Variants in PDCD11 observed in about 807,000 individuals in gnomAD.
PDCD11 encodes the protein protein RRP5 homolog.
A neutral mutation model predicts 198.9 loss-of-function variants in PDCD11; 97 were observed. The ratio of observed to expected loss-of-function variants is 0.49; its 90% CI spans 0.41 to 0.58. The LOEUF (loss-of-function observed/expected upper bound fraction) is 0.58. Among genes scored for constraint, PDCD11 ranks in the 20% least tolerant of loss-of-function variants. The probability of loss-of-function intolerance (pLI) is 0.00; values close to 1 mark genes in which losing one functional copy is unlikely to be tolerated. For synonymous variants in PDCD11, 893 were observed against 918.0 expected, an observed-to-expected ratio of 0.97 and a Z score of 0.49; for missense variants, 2,102 against 2,312.7, an observed-to-expected ratio of 0.91 and a Z score of 1.87.
At chr10:103,433,557 G>T (rs142915557) in intron 22 of PDCD11, among the ~76,000 whole-genome samples, 1 of 152,316 alleles carries the variant, frequency 6.6e-6, no homozygotes, top group Non-Finnish European at 1.5e-5. Context: ...AACAGTGAAG[G>T]ATCCAAATCC....
At chr10:103,399,823 G>T in intron 2 of PDCD11, 1 of 152,068 alleles carries the variant, frequency 6.6e-6, no homozygotes, top group South Asian at 2.1e-4. Flanking sequence ...GAGTACCTGG[G>T]ACTATAGGTG....
In PDCD11 at chr10:103,433,964, A is replaced by T; in HGVS notation, c.3491A>T (p.Lys1164Ile). 1 of 1,613,618 alleles carries T rather than the reference A, an allele frequency of 6.2e-7. No individual in the cohort carries two copies. Among genetic ancestry groups the T allele is most frequent in the Non-Finnish European group, 8.5e-7 (1 of 1,179,538 alleles). ...TTCCCTCAGTACAATGTGGTGAAGA[A>T]ATGGCTTGAGGTGGAGATTGCCCCA... The part of the protein sequence containing the change: ...CFLKKYNVVK[K>I]WLEVEIAPDI... Residue 1164 changes from lysine (K) to isoleucine (I), a missense_variant, in exon 23 of 36, where the codon AAA becomes ATA. Coordinates refer to ENST00000369797, the MANE Select transcript of PDCD11 (RefSeq NM_014976.2).
chr10:103,425,325 C>G lies in PDCD11; in HGVS notation c.3105C>G (p.Ile1035Met), dbSNP rs542909937. ...VGTIKKHTLS[I>M]GDMVTGTVKS... ...CCATAAAGAAGCACACCCTCTCCAT[C>G]GGGGACATGGTCACAGGGACTGTCA... Residue 1035 changes from isoleucine to methionine, a missense_variant, in exon 20 of 36, where the codon ATC becomes ATG. Transcript: ENST00000369797. The G allele has an allele frequency of 1.2e-6, 2 of 1,614,002 alleles. No homozygotes were observed. The highest frequency in any genetic ancestry group is 4.5e-5 in the East Asian group (2 of 44,878).
chr10:103,441,288 C>T (rs1046975651), intron 30 of PDCD11, among the ~76,000 whole-genome samples: 4 of 152,158 alleles, frequency 2.6e-5, no homozygotes, highest in South Asian at 2.1e-4. Flanking sequence ...GACAGAGTCT[C>T]GCTTTGTCAT....
At chr10:103,417,153 C>T (rs1169864850) in intron 13 of PDCD11, among the ~76,000 whole-genome samples, 2 of 151,788 alleles carry the variant, frequency 1.3e-5, no homozygotes, top group Non-Finnish European at 2.9e-5. Flanking sequence ...TTATGGGGTA[C>T]AATATGATAT....
intron 25 of PDCD11, among the ~76,000 whole-genome samples, chr10:103,436,873 A>G (rs1208742132): frequency 6.6e-6 from 1 of 152,188 alleles, no homozygotes; most frequent in Non-Finnish European, 1.5e-5. Context: ...AAGAATCTGT[A>G]TATTATGGTT....
At position 103,445,789 on chromosome 10, in the gene PDCD11, T is replaced by C. The variant is rs1281985578; in HGVS notation, c.*240T>C. 2.2e-6 allele frequency: 1 copy of C among 456,526 alleles called. No individual in the cohort carries two copies. Among genetic ancestry groups the C allele is most frequent in the Non-Finnish European group, 4.0e-6 (1 of 251,358 alleles). The allele number at this position is 456,526 out of a possible 1,614,324, so 28.3% of individuals were successfully genotyped here. A position where few individuals can be genotyped will look rare whatever the true frequency, so the allele number is the denominator to read the frequency against. On this transcript the variant is annotated 3_prime_UTR_variant, in exon 36 of 36. Coordinates refer to ENST00000369797, the MANE Select transcript of PDCD11 (RefSeq NM_014976.2). Reference sequence around the variant, plus strand: ...TTCCTTATCTGAGGCTACCTGGGGATTGTGGGCAGCAGGCCCCTGGACTCC... The same window carrying C: ...TTCCTTATCTGAGGCTACCTGGGGACTGTGGGCAGCAGGCCCCTGGACTCC...
In PDCD11 at chr10:103,406,781, G is replaced by C. The variant is rs1167478318; in HGVS notation, c.861G>C (p.Gln287His). 10 of 1,611,772 alleles carry C rather than the reference G, an allele frequency of 6.2e-6. No homozygotes were observed. Among genetic ancestry groups the C allele is most frequent in the Middle Eastern group, 3.3e-4 (2 of 6,072 alleles). ...NLLPGLVVKAQVQKVTPFGLT... is the reference protein window; with the variant it reads ...NLLPGLVVKAHVQKVTPFGLT... ...TACCAGGACTGGTGGTCAAAGCTCA[G>C]GTACAGAAGGTAAGCTGTTATGCTA... The change falls in exon 7 of 36, where the codon CAG (glutamine) becomes CAC (histidine). Residue 287 changes from glutamine to histidine, a missense_variant. Transcript: ENST00000369797.
At position 103,442,134 on chromosome 10, in the gene PDCD11, C is replaced by T. The variant is rs548498339; in HGVS notation, c.4708-79C>T. On this transcript the variant is annotated intron_variant, in intron 31 of 35. Coordinates refer to ENST00000369797, the MANE Select transcript of PDCD11 (RefSeq NM_014976.2). The stretch of plus-strand genomic sequence containing the variant: ...TATATAGAGCCCTGGGCTGCCCAGC[C>T]AACTCGTGACTTCCACCACAGACCT... 8 of 1,580,426 alleles carry T rather than the reference C, an allele frequency of 5.1e-6. No individual in the cohort carries two copies. In the East Asian group the frequency reaches 1.8e-4, roughly 35 times the overall value.
intron 4 of PDCD11, 50 bp from the exon 5 acceptor site, chr10:103,404,972 T>G: frequency 1.9e-6 from 3 of 1,566,960 alleles, no homozygotes; most frequent in Non-Finnish European, 2.6e-6. Flanking sequence ...AATGGATTTT[T>G]GGTTCAGGAG....
Position 103,405,216 on chromosome 10 carries a change from A to C in PDCD11, c.564+33A>C, listed in dbSNP as rs775690738. Reference sequence around the variant, plus strand: ...TCTAGGGTCGGGGAGGAAGAGTGGCAATGTGCCTTCTCTCTGCCTCTGAGG... The same window carrying C: ...TCTAGGGTCGGGGAGGAAGAGTGGCCATGTGCCTTCTCTCTGCCTCTGAGG... On this transcript the variant is annotated intron_variant, in intron 5 of 35. Coordinates refer to ENST00000369797, the MANE Select transcript of PDCD11 (RefSeq NM_014976.2). The C allele has an allele frequency of 6.8e-6, 11 of 1,608,290 alleles. No individual in the cohort carries two copies. The South Asian group carries it at 1.1e-4, about 16-fold the overall frequency.
At chr10:103,402,563 T>A (rs12413386) in intron 3 of PDCD11, among the ~76,000 whole-genome samples, 1 of 151,814 alleles carries the variant, frequency 6.6e-6, no homozygotes, top group Non-Finnish European at 1.5e-5. Context: ...CTCAGCCTCC[T>A]GAGTAGCTGG....
At position 103,443,814 on chromosome 10, in the gene PDCD11, C is replaced by A; in HGVS notation, c.5125-101C>A. 2.5e-6 allele frequency: 3 copies of A among 1,220,358 alleles called. No homozygotes were observed. In the South Asian group the frequency reaches 4.1e-5, roughly 17 times the overall value. 75.6% of individuals were successfully genotyped at this position (1,220,358 alleles called of 1,614,324 possible). On this transcript the variant is annotated intron_variant, in intron 33 of 35. Transcript: ENST00000369797. ...TTAGGCCCTGAGAGTGATTTGGTGTCTGGGAGCCCAGGTCTAGCTTCTTGT... is the reference window on the plus strand; with the variant it reads ...TTAGGCCCTGAGAGTGATTTGGTGTATGGGAGCCCAGGTCTAGCTTCTTGT...
chr10:103,436,675 A>C (rs1167417338), intron 25 of PDCD11, among the ~76,000 whole-genome samples: 1 of 152,226 alleles, frequency 6.6e-6, no homozygotes, highest in Non-Finnish European at 1.5e-5. Flanking sequence ...CTTGAGGCTT[A>C]GATAATGAGG....
At chr10:103,435,097 T>G in intron 25 of PDCD11, 122 bp downstream of exon 25, 1 of 620,108 alleles carries the variant, frequency 1.6e-6, no homozygotes. Context: ...AAATGAAAAT[T>G]TCTGTAACCC....
In PDCD11 at chr10:103,413,948, T is replaced by A; in HGVS notation, c.1186-18T>A. 1.3e-6 allele frequency: 2 copies of A among 1,596,584 alleles called. No individual in the cohort carries two copies. The highest frequency in any genetic ancestry group is 1.7e-6 in the Non-Finnish European group (2 of 1,170,780). On this transcript the variant is annotated intron_variant, in intron 9 of 35. Coordinates refer to ENST00000369797, the MANE Select transcript of PDCD11 (RefSeq NM_014976.2). ...CCTGTTGTCCCTGGCTTATCCTCAATCACTTGGTACTTTGCAGCTCAGCCA... is the reference window on the plus strand; with the variant it reads ...CCTGTTGTCCCTGGCTTATCCTCAAACACTTGGTACTTTGCAGCTCAGCCA...
At chr10:103,443,612 C>T (rs938969048) in intron 33 of PDCD11, among the ~76,000 whole-genome samples, 16 of 152,184 alleles carry the variant, frequency 1.1e-4, no homozygotes, top group African/African-American at 3.1e-4. Flanking sequence ...CAGAAGGGGA[C>T]GTCCCGGCCC....
chr10:103,426,056 T>C (rs2031681864), intron 20 of PDCD11, among the ~76,000 whole-genome samples: 1 of 152,222 alleles, frequency 6.6e-6, no homozygotes, highest in African/African-American at 2.4e-5. Context: ...ACTGTGACCA[T>C]GTGGCAGTAG....
At chr10:103,423,978 CT>C (rs1011782013) in intron 19 of PDCD11, among the ~76,000 whole-genome samples, 1 of 152,162 alleles carries the variant, frequency 6.6e-6, no homozygotes, top group Non-Finnish European at 1.5e-5. Flanking sequence ...TGCCCAGCCC[CT>C]GTGGGGCTGA....
Sources: allele counts gnomAD v4.1 joint callset (sites outside exome capture counted in the v4.1 genomes callset), GRCh38; gene constraint gnomAD v4.1.1; transcripts MANE v1.5; gene names NCBI Gene and HGNC (gene_info 2026-07-23, HGNC 2026-07-21).